Variants in TENM4 observed in about 807,000 individuals in gnomAD.
The protein encoded by TENM4 is teneurin transmembrane protein 4.
A neutral mutation model predicts 243.3 loss-of-function variants in TENM4; 82 were observed. That is an observed-to-expected ratio of 0.34 (90% CI 0.28 to 0.40). The LOEUF (loss-of-function observed/expected upper bound fraction) is 0.40, where lower values mean the gene tolerates loss of function less well. Ranked by LOEUF, TENM4 falls within the 10% of genes least tolerant of loss-of-function variation. The pLI, the probability that TENM4 is intolerant of heterozygous loss-of-function variation, is 1.00. For synonymous variants in TENM4, 1,412 were observed against 1,456.3 expected, an observed-to-expected ratio of 0.97 and a Z score of 0.69; for missense variants, 3,138 against 3,673.3, an observed-to-expected ratio of 0.85 and a Z score of 3.77.
At chr11:78,948,281 A>G (rs1857044197) in intron 6 of TENM4, among the ~76,000 whole-genome samples, 1 of 152,220 alleles carries the variant, frequency 6.6e-6, no homozygotes. Context: ...GCATTCTATC[A>G]TCTAACCACA....
At chr11:79,402,834 T>A (rs1406907416) in intron 1 of TENM4, among the ~76,000 whole-genome samples, 2 of 152,242 alleles carry the variant, frequency 1.3e-5, no homozygotes, top group Non-Finnish European at 1.5e-5. Context: ...GAATTTGGTG[T>A]CTTTCTTTGG....
chr11:79,367,820 G>A (rs1291240276), intron 1 of TENM4, among the ~76,000 whole-genome samples: 9 of 152,172 alleles, frequency 5.9e-5, no homozygotes, highest in Admixed American at 5.9e-4. Flanking sequence ...CTTCCTTGAA[G>A]GCTTCAAAAA....
At chr11:79,385,704 T>C (rs187982697) in intron 1 of TENM4, among the ~76,000 whole-genome samples, 1 of 148,462 alleles carries the variant, frequency 6.7e-6, no homozygotes. Flanking sequence ...GATTTATCCA[T>C]GTTATTCCAT....
At chr11:79,248,547 T>A (rs1208484092) in intron 2 of TENM4, among the ~76,000 whole-genome samples, 1 of 152,196 alleles carries the variant, frequency 6.6e-6, no homozygotes, top group Non-Finnish European at 1.5e-5. Context: ...ATTTTGCACA[T>A]CTTCCCAAGG....
At chr11:79,426,838 G>A (rs1458570903) in intron 1 of TENM4, among the ~76,000 whole-genome samples, 3 of 152,300 alleles carry the variant, frequency 2.0e-5, no homozygotes, top group Middle Eastern at 6.8e-3. Flanking sequence ...AAATAGCAAG[G>A]AGGCAGTTGG....
At chr11:79,431,106 C>A (rs1859159179) in intron 1 of TENM4, among the ~76,000 whole-genome samples, 1 of 152,118 alleles carries the variant, frequency 6.6e-6, no homozygotes, top group Non-Finnish European at 1.5e-5. Flanking sequence ...AAAGTCGAAA[C>A]AATCTTCCCC....
chr11:79,278,746 G>A (rs910796074), intron 2 of TENM4, among the ~76,000 whole-genome samples: 1 of 152,204 alleles, frequency 6.6e-6, no homozygotes, highest in African/African-American at 2.4e-5. Flanking sequence ...CAGTCTCTCA[G>A]GAATTCTCAG....
chr11:79,055,494 G>A (rs868399500), intron 6 of TENM4, among the ~76,000 whole-genome samples: 16 of 152,076 alleles, frequency 1.1e-4, no homozygotes, highest in Middle Eastern at 3.2e-3. Flanking sequence ...TGCCTGTCTC[G>A]GCCTCCCAAA....
intron 18 of TENM4, among the ~76,000 whole-genome samples, chr11:78,760,916 A>C (rs1856416771): frequency 1.3e-5 from 2 of 152,214 alleles, no homozygotes; most frequent in Non-Finnish European, 2.9e-5. Flanking sequence ...TTCGGGTCAT[A>C]AATTATCTTA....
intron 1 of TENM4, among the ~76,000 whole-genome samples, chr11:79,435,736 C>T (rs1859259803): frequency 6.6e-6 from 1 of 152,194 alleles, no homozygotes; most frequent in African/African-American, 2.4e-5. Context: ...TCTCATTTTC[C>T]TTCAACCTCT....
At chr11:78,713,470 T>C (rs1859447717) in intron 25 of TENM4, among the ~76,000 whole-genome samples, 1 of 152,204 alleles carries the variant, frequency 6.6e-6, no homozygotes, top group South Asian at 2.1e-4. Context: ...CAGAGATGCC[T>C]TGGGGAGACA....
chr11:79,436,561 A>T (rs972511052), intron 1 of TENM4, among the ~76,000 whole-genome samples: 1 of 152,232 alleles, frequency 6.6e-6, no homozygotes, highest in Non-Finnish European at 1.5e-5. Context: ...ATTCTATTGG[A>T]AGAGAGTCCG....
intron 2 of TENM4, among the ~76,000 whole-genome samples, chr11:79,283,232 ACACACACACACACACAC>A (rs1856189874): frequency 2.0e-5 from 3 of 151,606 alleles, no homozygotes; most frequent in African/African-American, 7.3e-5. Context: ...ACACACACAC[ACACACACACACACACAC>A]AAGTACAGAT....
intron 2 of TENM4, among the ~76,000 whole-genome samples, chr11:79,243,741 A>G (rs1855465182): frequency 6.6e-6 from 1 of 152,180 alleles, no homozygotes; most frequent in South Asian, 2.1e-4. Context: ...GAGAGCAAAT[A>G]TTTCCAATGC....
At chr11:78,910,101 A>G (rs578132047) in intron 6 of TENM4, among the ~76,000 whole-genome samples, 3 of 152,180 alleles carry the variant, frequency 2.0e-5, no homozygotes, top group Non-Finnish European at 2.9e-5. Context: ...GCTTTGGCTC[A>G]GGCAAGGAAC....
intron 4 of TENM4, among the ~76,000 whole-genome samples, chr11:79,137,825 T>C (rs961134802): frequency 1.3e-5 from 2 of 152,144 alleles, no homozygotes; most frequent in African/African-American, 2.4e-5. Context: ...ATTGTTGTTT[T>C]ATGTTAGGCA....
intron 2 of TENM4, among the ~76,000 whole-genome samples, chr11:79,224,308 C>T (rs372468503): frequency 5.3e-5 from 8 of 152,174 alleles, no homozygotes; most frequent in East Asian, 3.8e-4. Context: ...ACCTTAACAA[C>T]GCCGAGTTAG....
chr11:78,658,837 G>T, intron 33 of TENM4, 21 bp from the exon 34 acceptor site: 1 of 1,598,242 alleles, frequency 6.3e-7, no homozygotes, highest in East Asian at 2.2e-5. Flanking sequence ...AGGAGAGTGA[G>T]AGAGAGAGTA....
chr11:79,169,676 C>A (rs560324384), intron 3 of TENM4, among the ~76,000 whole-genome samples: 1 of 152,192 alleles, frequency 6.6e-6, no homozygotes, highest in Non-Finnish European at 1.5e-5. Flanking sequence ...TAACCACAAG[C>A]CACCACCAAT....
Sources: allele counts gnomAD v4.1 joint callset (sites outside exome capture counted in the v4.1 genomes callset), GRCh38; gene constraint gnomAD v4.1.1; transcripts MANE v1.5; gene names NCBI Gene and HGNC (gene_info 2026-07-23, HGNC 2026-07-21).